The following NELL1 variants were observed in gnomAD, a reference collection of about 807,000 sequenced individuals.
The protein encoded by NELL1 is neural EGFL like 1, also known as protein kinase C-binding protein NELL1.
A neutral mutation model predicts 107.4 loss-of-function variants in NELL1; 76 were observed. The ratio of observed to expected loss-of-function variants is 0.71; its 90% CI spans 0.59 to 0.86. NELL1 has a LOEUF of 0.86. Among genes scored for constraint, NELL1 ranks in the 40% least tolerant of loss-of-function variants. NELL1 has a pLI of 0.00. For synonymous variants in NELL1, 353 were observed against 341.2 expected, an observed-to-expected ratio of 1.03 and a Z score of -0.38; for missense variants, 1,024 against 1,005.5, an observed-to-expected ratio of 1.02 and a Z score of -0.25.
intron 12 of NELL1, among the ~76,000 whole-genome samples, chr11:21,063,760 A>T (rs1590600254): frequency 6.6e-6 from 1 of 152,246 alleles, no homozygotes; most frequent in East Asian, 1.9e-4. Context: ...GACACTTCAG[A>T]TATATTAGTG....
At chr11:20,687,529 T>C (rs573173568) in intron 2 of NELL1, among the ~76,000 whole-genome samples, 182 of 152,172 alleles carry the variant, frequency 1.2e-3, no homozygotes, top group African/African-American at 4.3e-3. Flanking sequence ...GTATTATGAA[T>C]ATTAGGAAGA....
At chr11:20,685,956 G>A (rs574269759) in intron 2 of NELL1, among the ~76,000 whole-genome samples, 1 of 152,068 alleles carries the variant, frequency 6.6e-6, no homozygotes, top group Non-Finnish European at 1.5e-5. Context: ...GTATTTAAGG[G>A]TGACAGTGGA....
At chr11:20,702,570 G>A (rs1411631763) in intron 2 of NELL1, among the ~76,000 whole-genome samples, 1 of 152,046 alleles carries the variant, frequency 6.6e-6, no homozygotes, top group Non-Finnish European at 1.5e-5. Context: ...GTGAGAGAGG[G>A]CATCCCTCTC....
chr11:21,331,152 G>T (rs1347115242), intron 14 of NELL1, among the ~76,000 whole-genome samples: 1 of 151,768 alleles, frequency 6.6e-6, no homozygotes, highest in East Asian at 1.9e-4. Flanking sequence ...TTAGTACTTT[G>T]AACATATTTA....
intron 14 of NELL1, among the ~76,000 whole-genome samples, chr11:21,348,292 G>A (rs1221622132): frequency 1.3e-5 from 2 of 152,106 alleles, no homozygotes; most frequent in Non-Finnish European, 2.9e-5. Context: ...AACAAAGAAT[G>A]TTCTTTGAAT....
intron 7 of NELL1, among the ~76,000 whole-genome samples, chr11:20,924,999 G>A (rs1162302310): frequency 1.3e-5 from 2 of 152,148 alleles, no homozygotes; most frequent in Admixed American, 1.3e-4. Context: ...ATGAATTGAT[G>A]TTTAGACATT....
At chr11:21,470,098 T>G (rs1440872313) in intron 15 of NELL1, among the ~76,000 whole-genome samples, 1 of 152,112 alleles carries the variant, frequency 6.6e-6, no homozygotes, top group African/African-American at 2.4e-5. Flanking sequence ...CTTTATGAAC[T>G]CATTTAATTC....
At chr11:20,846,083 T>C (rs555520786) in intron 3 of NELL1, among the ~76,000 whole-genome samples, 169 of 152,334 alleles carry the variant, frequency 1.1e-3, no homozygotes, top group Non-Finnish European at 2.1e-3. Context: ...TTATAAAGTA[T>C]GTATTACATA....
intron 10 of NELL1, among the ~76,000 whole-genome samples, chr11:20,938,934 C>G (rs61880443): frequency 3.8e-4 from 16 of 42,508 alleles, no homozygotes; most frequent in African/African-American, 7.1e-4. Flanking sequence ...CTCTCTCTCT[C>G]TCTCTCTGTG....
intron 15 of NELL1, among the ~76,000 whole-genome samples, chr11:21,451,203 GAAA>G (rs1235279037): frequency 8.8e-6 from 1 of 113,908 alleles, no homozygotes; most frequent in African/African-American, 3.5e-5. Context: ...AAAAAAAAAA[GAAA>G]AAAAAAAGAA....
chr11:20,881,715 T>C (rs896577696), intron 4 of NELL1, among the ~76,000 whole-genome samples: 1 of 149,318 alleles, frequency 6.7e-6, no homozygotes, highest in South Asian at 2.1e-4. Flanking sequence ...TTCTGTTTTG[T>C]TTTTTTTTTC....
chr11:20,695,018 A>G lies in NELL1; in HGVS notation c.184+16958A>G, dbSNP rs1590211406. Among the ~76,000 whole-genome samples the G allele has an allele frequency of 2.0e-5, 3 of 151,946 alleles. No individual in the cohort carries two copies. In the East Asian group the frequency reaches 5.8e-4, roughly 29 times the overall value. On this transcript the variant is annotated intron_variant, in intron 2 of 19. Transcript: ENST00000357134. Reference sequence around the variant, plus strand: ...GTAGAGAGCTTTCACCTCCATTGTTAGGTGTGTTTCTAGGTATTTTATTTT... The same window carrying G: ...GTAGAGAGCTTTCACCTCCATTGTTGGGTGTGTTTCTAGGTATTTTATTTT...
chr11:21,362,424 G>A (rs1041972103), intron 14 of NELL1, among the ~76,000 whole-genome samples: 5 of 152,172 alleles, frequency 3.3e-5, no homozygotes, highest in Admixed American at 2.6e-4. Flanking sequence ...CTCTATGAGG[G>A]TCCTTGGTTG....
intron 15 of NELL1, among the ~76,000 whole-genome samples, chr11:21,500,865 A>G (rs1306515148): frequency 3.9e-5 from 6 of 152,172 alleles, no homozygotes; most frequent in Non-Finnish European, 8.8e-5. Context: ...GATGTCCAAC[A>G]TCATACTTGC....
intron 14 of NELL1, among the ~76,000 whole-genome samples, chr11:21,310,769 G>T (rs1294513205): frequency 6.6e-6 from 1 of 152,032 alleles, no homozygotes; most frequent in Non-Finnish European, 1.5e-5. Flanking sequence ...TTGATGCTAT[G>T]CAGGTTCAGA....
intron 2 of NELL1, among the ~76,000 whole-genome samples, chr11:20,726,656 T>C (rs1327723463): frequency 6.6e-6 from 1 of 152,212 alleles, no homozygotes; most frequent in Non-Finnish European, 1.5e-5. Flanking sequence ...TGCAGGTTTG[T>C]TACATAGGTA....
intron 12 of NELL1, among the ~76,000 whole-genome samples, chr11:20,968,463 A>G (rs1306838143): frequency 6.6e-6 from 1 of 152,156 alleles, no homozygotes; most frequent in Admixed American, 6.5e-5. Flanking sequence ...TTTAAAGTGC[A>G]GAGTCTGTAG....
intron 15 of NELL1, among the ~76,000 whole-genome samples, chr11:21,522,383 C>A (rs937035475): frequency 2.0e-5 from 3 of 152,010 alleles, no homozygotes; most frequent in Non-Finnish European, 4.4e-5. Flanking sequence ...GCTATTTAGC[C>A]GTAAAAAATG....
chr11:21,054,600 C>T (rs1853571873), intron 12 of NELL1, among the ~76,000 whole-genome samples: 1 of 152,020 alleles, frequency 6.6e-6, no homozygotes, highest in African/African-American at 2.4e-5. Flanking sequence ...ATTGTCTTCA[C>T]TAATATTATA....
Sources: gnomAD v4.1 joint callset for allele counts (sites outside exome capture counted in the v4.1 genomes callset) on GRCh38, gnomAD v4.1.1 for gene constraint, MANE v1.5 for transcripts, NCBI Gene and HGNC (gene_info 2026-07-23, HGNC 2026-07-21) for gene names.